The following NRG4 variants were observed in gnomAD, a reference collection of about 807,000 sequenced individuals.
NRG4 encodes neuregulin 4.
In NRG4, 10 loss-of-function variants were observed where a neutral mutation model predicts 15.0. The observed-to-expected ratio is 0.67, with a 90% confidence interval of 0.41 to 1.13. The LOEUF is 1.13. Among genes scored for constraint, NRG4 ranks in the 50% most tolerant of loss-of-function variants. The pLI is 0.00. For missense variants in NRG4, 139 were observed against 140.2 expected (o/e 0.99, Z 0.04); for synonymous variants, 41 against 50.1 (o/e 0.82, Z 0.77).
intron 4 of NRG4, among the ~76,000 whole-genome samples, chr15:76,043,948 T>G (rs1000454271): frequency 1.3e-5 from 2 of 152,004 alleles, no homozygotes; most frequent in African/African-American, 4.8e-5. Flanking sequence ...ATACATAGAC[T>G]AATGGAACAG....
chr15:76,024,713 C>T (rs1031037488), intron 5 of NRG4, among the ~76,000 whole-genome samples: 5 of 152,194 alleles, frequency 3.3e-5, no homozygotes, highest in African/African-American at 1.2e-4. Context: ...AGCAAAGCCA[C>T]ACCACCACTG....
chr15:76,040,056 A>AAG (rs113613101), intron 4 of NRG4, among the ~76,000 whole-genome samples: 2,518 of 151,716 alleles, frequency 0.017, 70 homozygotes, highest in African/African-American at 0.057. Flanking sequence ...AATAAAAAAA[A>AAG]AGAGAGAGAG....
chr15:75,955,895 G>A, intron 5 of NRG4, 37 bp downstream of exon 5: 1 of 1,175,150 alleles, frequency 8.5e-7, no homozygotes, highest in African/African-American at 1.5e-5. Flanking sequence ...GTCTCATCTA[G>A]GGTTTTAAAA....
chr15:75,989,517 A>G (rs536646054), intron 3 of NRG4, among the ~76,000 whole-genome samples: 1 of 152,298 alleles, frequency 6.6e-6, no homozygotes, highest in East Asian at 1.9e-4. Context: ...TCTGAAAAAA[A>G]AAAATCTATT....
At chr15:76,035,758 T>C (rs2035583353) in intron 5 of NRG4, among the ~76,000 whole-genome samples, 1 of 152,212 alleles carries the variant, frequency 6.6e-6, no homozygotes, top group South Asian at 2.1e-4. Context: ...ATACCCATGT[T>C]TGTTAACAAC....
At chr15:76,039,414 G>C (rs117647875) in intron 4 of NRG4, among the ~76,000 whole-genome samples, 4,686 of 152,220 alleles carry the variant, frequency 0.031, 99 homozygotes, top group Non-Finnish European at 0.048. Flanking sequence ...ATTTAACAAT[G>C]AGATTAAAAT....
chr15:76,035,777 T>C (rs1006560945), intron 5 of NRG4, among the ~76,000 whole-genome samples: 5 of 152,180 alleles, frequency 3.3e-5, no homozygotes, highest in Non-Finnish European at 5.9e-5. Flanking sequence ...ACTGTTTCTA[T>C]GGCAGCAGAG....
chr15:76,033,201 A>T, intron 5 of NRG4, among the ~76,000 whole-genome samples: 1 of 152,254 alleles, frequency 6.6e-6, no homozygotes, highest in East Asian at 1.9e-4. Flanking sequence ...ATGTGAATTG[A>T]ATCAGCCTAC....
intron 5 of NRG4, among the ~76,000 whole-genome samples, chr15:76,026,638 G>GA (rs1160623720): frequency 1.3e-5 from 2 of 152,098 alleles, no homozygotes; most frequent in Admixed American, 1.3e-4. Context: ...AGGAGAAAGA[G>GA]AAAGGATTCA....
At chr15:75,959,072 C>A (rs1418668472) in intron 4 of NRG4, 3 of 351,508 alleles carry the variant, frequency 8.5e-6, no homozygotes, top group South Asian at 2.2e-5. Flanking sequence ...GCCTCTCATT[C>A]CTGGGCTCAA....
At chr15:75,950,601 T>A (rs182250708) in intron 5 of NRG4, 9 of 243,732 alleles carry the variant, frequency 3.7e-5, no homozygotes, top group East Asian at 3.1e-4. Flanking sequence ...AAGAACTGGA[T>A]ATCAGATGTG....
intron 3 of NRG4, among the ~76,000 whole-genome samples, chr15:76,003,759 G>C (rs2034497026): frequency 6.6e-6 from 1 of 152,086 alleles, no homozygotes; most frequent in African/African-American, 2.4e-5. Flanking sequence ...AACTATGCAA[G>C]CCAGAAGATA....
At chr15:75,998,472 C>A (rs76362754) in intron 3 of NRG4, among the ~76,000 whole-genome samples, 1 of 152,098 alleles carries the variant, frequency 6.6e-6, no homozygotes. Flanking sequence ...GCCAGGCCAA[C>A]ACCTTAAGTC....
At chr15:76,038,694 G>A (rs942490333) in intron 4 of NRG4, among the ~76,000 whole-genome samples, 1 of 152,208 alleles carries the variant, frequency 6.6e-6, no homozygotes, top group East Asian at 1.9e-4. Flanking sequence ...TTGCCGCCCT[G>A]AAGGGAAGGA....
At chr15:75,980,021 A>G (rs1173695370) in intron 3 of NRG4, among the ~76,000 whole-genome samples, 3 of 152,148 alleles carry the variant, frequency 2.0e-5, no homozygotes, top group African/African-American at 7.2e-5. Flanking sequence ...TTGTGGCTAT[A>G]TATGCAGTAT....
intron 4 of NRG4, among the ~76,000 whole-genome samples, chr15:75,961,361 A>G (rs1360203238): frequency 6.6e-6 from 1 of 151,884 alleles, no homozygotes; most frequent in African/African-American, 2.4e-5. Flanking sequence ...TGATTTAAGT[A>G]TCTTTGAAGT....
intron 5 of NRG4, among the ~76,000 whole-genome samples, chr15:76,023,286 T>C (rs1194266075): frequency 1.1e-5 from 1 of 91,672 alleles, no homozygotes; most frequent in Non-Finnish European, 3.1e-5. Flanking sequence ...CTATAGTGAT[T>C]GGAAGCCCAG....
intron 4 of NRG4, among the ~76,000 whole-genome samples, chr15:76,045,197 A>AT (rs2035840388): frequency 6.6e-6 from 1 of 151,126 alleles, no homozygotes; most frequent in South Asian, 2.1e-4. Flanking sequence ...GGTGCTCAAC[A>AT]TAATTGACCA....
chr15:75,944,895 CTT>C (rs2031382546), intron 5 of NRG4, among the ~76,000 whole-genome samples: 1 of 151,540 alleles, frequency 6.6e-6, no homozygotes, highest in Non-Finnish European at 1.5e-5. Context: ...TGTTTTTAAC[CTT>C]TGTTATGATG....
Sources: allele counts gnomAD v4.1 joint callset (sites outside exome capture counted in the v4.1 genomes callset), GRCh38; gene constraint gnomAD v4.1.1; transcripts MANE v1.5; gene names NCBI Gene and HGNC (gene_info 2026-07-23, HGNC 2026-07-21).